CSMD2: variants seen among roughly 807,000 people sequenced by gnomAD.
CSMD2 encodes the protein CUB and Sushi multiple domains 2, also known as CUB and sushi domain-containing protein 2.
Under a neutral mutation model 398.5 loss-of-function variants are expected in CSMD2, and 130 were observed. That is an observed-to-expected ratio of 0.33 (90% CI 0.28 to 0.38). CSMD2 has a LOEUF of 0.38. Among genes scored for constraint, CSMD2 ranks in the 10% least tolerant of loss-of-function variants. The pLI, the probability that CSMD2 is intolerant of heterozygous loss-of-function variation, is 1.00. For synonymous variants in CSMD2, 1,828 were observed against 1,908.5 expected, an observed-to-expected ratio of 0.96 and a Z score of 1.10; for missense variants, 3,829 against 4,764.9, an observed-to-expected ratio of 0.80 and a Z score of 5.78.
intron 10 of CSMD2, among the ~76,000 whole-genome samples, chr1:33,800,090 A>G (rs75230458): frequency 0.065 from 9,846 of 152,100 alleles, 383 homozygotes; most frequent in South Asian, 0.11. Context: ...CTTACCTCCC[A>G]TATTTCTCCT....
At chr1:34,162,879 A>G (rs1213727485) in intron 1 of CSMD2, among the ~76,000 whole-genome samples, 1 of 152,174 alleles carries the variant, frequency 6.6e-6, no homozygotes, top group African/African-American at 2.4e-5. Flanking sequence ...TTAAAAAGAA[A>G]GAGAAGAAAA....
chr1:33,924,099 C>T (rs928548936), intron 4 of CSMD2, among the ~76,000 whole-genome samples: 6 of 152,102 alleles, frequency 3.9e-5, no homozygotes, highest in Non-Finnish European at 8.8e-5. Flanking sequence ...TTTAACTCCT[C>T]GTATGAGTGT....
chr1:33,673,994 C>T (rs902611066), intron 25 of CSMD2, among the ~76,000 whole-genome samples: 7 of 152,142 alleles, frequency 4.6e-5, no homozygotes, highest in Admixed American at 2.6e-4. Context: ...TGGTAACAGC[C>T]GCTGCAAAAC....
intron 13 of CSMD2, among the ~76,000 whole-genome samples, chr1:33,764,444 G>T (rs1235166105): frequency 2.0e-5 from 3 of 152,154 alleles, no homozygotes; most frequent in Non-Finnish European, 2.9e-5. Flanking sequence ...TCTGCAGAGC[G>T]GGCACCCCCT....
chr1:33,687,030 C>T (rs1227152345), intron 25 of CSMD2, among the ~76,000 whole-genome samples: 3 of 152,192 alleles, frequency 2.0e-5, no homozygotes, highest in South Asian at 2.1e-4. Flanking sequence ...AAGGAGGGTA[C>T]CCTCTTTAAT....
intron 15 of CSMD2, among the ~76,000 whole-genome samples, chr1:33,732,621 A>C (rs1392760231): frequency 6.6e-6 from 1 of 152,174 alleles, no homozygotes; most frequent in African/African-American, 2.4e-5. Context: ...CCTGTGAGAA[A>C]ATAAATTTAT....
At chr1:33,628,437 G>A (rs1407629071) in intron 32 of CSMD2, among the ~76,000 whole-genome samples, 1 of 152,166 alleles carries the variant, frequency 6.6e-6, no homozygotes, top group African/African-American at 2.4e-5. Context: ...GGGAGGCTGA[G>A]GCGGGCGGAT....
intron 13 of CSMD2, among the ~76,000 whole-genome samples, chr1:33,763,098 G>A (rs1039646522): frequency 4.6e-5 from 7 of 152,056 alleles, no homozygotes; most frequent in East Asian, 1.9e-4. Flanking sequence ...ATCACCACAT[G>A]TATCACAACC....
At chr1:33,673,247 A>G (rs978073292) in intron 25 of CSMD2, among the ~76,000 whole-genome samples, 12 of 152,240 alleles carry the variant, frequency 7.9e-5, no homozygotes, top group African/African-American at 2.9e-4. Context: ...TAGAATAACC[A>G]ATTCAGAGAA....
chr1:34,126,548 T>A (rs1211495222), intron 1 of CSMD2, among the ~76,000 whole-genome samples: 2 of 152,168 alleles, frequency 1.3e-5, no homozygotes, highest in Non-Finnish European at 2.9e-5. Context: ...CAAAAGGTGC[T>A]GTGCTCCCAT....
chr1:33,775,112 AG>A (rs1651798770), intron 12 of CSMD2, among the ~76,000 whole-genome samples: 1 of 152,222 alleles, frequency 6.6e-6, no homozygotes, highest in Non-Finnish European at 1.5e-5. Context: ...CAAAATTTCA[AG>A]GGGCGCCAAA....
intron 3 of CSMD2, among the ~76,000 whole-genome samples, chr1:33,991,904 A>G (rs1337933174): frequency 6.6e-6 from 1 of 152,210 alleles, no homozygotes; most frequent in Non-Finnish European, 1.5e-5. Flanking sequence ...CAGAAAAAAA[A>G]TGGGCAGGAG....
chr1:33,584,847 A>T (rs1638970883), intron 46 of CSMD2, among the ~76,000 whole-genome samples: 1 of 152,170 alleles, frequency 6.6e-6, no homozygotes, highest in African/African-American at 2.4e-5. Context: ...AAAGAAAAAA[A>T]TGTCATTCTA....
intron 3 of CSMD2, among the ~76,000 whole-genome samples, chr1:33,952,810 A>C (rs1387606837): frequency 2.0e-5 from 3 of 152,222 alleles, no homozygotes; most frequent in Non-Finnish European, 4.4e-5. Context: ...GTAGACACGC[A>C]AAAACTATTT....
chr1:34,128,014 T>G lies in CSMD2; in HGVS notation c.187+36897A>C, dbSNP rs181953584. ...GCCAGCAAGACCTCCATTTGCCCCT[T>G]GGCTGCAGTTCTTGATTTCTTCCTT... On this transcript the variant is annotated intron_variant, in intron 1 of 70. Transcript: ENST00000373381. Among the ~76,000 whole-genome samples the G allele has an allele frequency of 3.3e-4, 50 of 152,238 alleles. 1 individual carries two copies. Among genetic ancestry groups the G allele is most frequent in the Admixed American group, 2.7e-3 (42 of 15,298 alleles).
At chr1:33,889,443 G>T (rs1360738438) in intron 5 of CSMD2, among the ~76,000 whole-genome samples, 1 of 152,180 alleles carries the variant, frequency 6.6e-6, no homozygotes, top group Non-Finnish European at 1.5e-5. Flanking sequence ...ATGGAAACAT[G>T]AAATTGGCAC....
At chr1:33,824,875 C>A (rs1421229546) in intron 7 of CSMD2, among the ~76,000 whole-genome samples, 2 of 151,932 alleles carry the variant, frequency 1.3e-5, no homozygotes, top group African/African-American at 4.8e-5. Flanking sequence ...TTTGGAGGAC[C>A]AAGGAAGGCT....
chr1:33,780,818 C>T (rs749814739), intron 12 of CSMD2, among the ~76,000 whole-genome samples: 17 of 152,286 alleles, frequency 1.1e-4, no homozygotes, highest in African/African-American at 2.6e-4. Context: ...GGAAACTCAG[C>T]GGGCATCTTA....
At chr1:33,836,639 C>T (rs1271663684) in intron 6 of CSMD2, among the ~76,000 whole-genome samples, 2 of 152,142 alleles carry the variant, frequency 1.3e-5, no homozygotes, top group East Asian at 1.9e-4. Context: ...AGCGAGGCTC[C>T]GTGGGTGTAG....
Sources: gnomAD v4.1 joint callset for allele counts (sites outside exome capture counted in the v4.1 genomes callset) on GRCh38, gnomAD v4.1.1 for gene constraint, MANE v1.5 for transcripts, NCBI Gene and HGNC (gene_info 2026-07-23, HGNC 2026-07-21) for gene names.